The following SLC13A1 variants were observed in gnomAD, a reference collection of about 807,000 sequenced individuals.
SLC13A1 encodes Na(+)/sulfate cotransporter.
Under a neutral mutation model 70.0 loss-of-function variants are expected in SLC13A1, and 65 were observed. That is an observed-to-expected ratio of 0.93 (90% CI 0.76 to 1.14). The LOEUF (loss-of-function observed/expected upper bound fraction) is 1.14, where lower values mean the gene tolerates loss of function less well. Among genes scored for constraint, SLC13A1 ranks in the 50% most tolerant of loss-of-function variants. SLC13A1 has a pLI of 0.00. For synonymous variants in SLC13A1, 275 were observed against 250.5 expected (o/e 1.10, Z -0.92); for missense variants, 726 against 717.8 (o/e 1.01, Z -0.13).
chr7:123,158,275 A>G (rs559864770), intron 6 of SLC13A1, among the ~76,000 whole-genome samples: 1 of 152,176 alleles, frequency 6.6e-6, no homozygotes, highest in South Asian at 2.1e-4. Context: ...GCAATTGAAA[A>G]TATGAAAAAG....
chr7:123,146,713 A>C (rs1469232967), intron 7 of SLC13A1, among the ~76,000 whole-genome samples: 1 of 152,166 alleles, frequency 6.6e-6, no homozygotes, highest in Non-Finnish European at 1.5e-5. Context: ...CAATTGTTCA[A>C]TCTTTCAAAT....
chr7:123,134,602 C>G, intron 7 of SLC13A1, 73 bp from the exon 8 acceptor site: 1 of 1,408,912 alleles, frequency 7.1e-7, no homozygotes, highest in South Asian at 1.3e-5. Context: ...CACAGGGAAG[C>G]AGCAGTCCAC....
intron 10 of SLC13A1, 70 bp from the exon 11 acceptor site, chr7:123,125,745 G>A: frequency 9.4e-7 from 1 of 1,066,912 alleles, no homozygotes; most frequent in East Asian, 2.4e-5. Flanking sequence ...CACCAATTTT[G>A]CTAATAACAT....
At chr7:123,143,347 A>T in intron 7 of SLC13A1, among the ~76,000 whole-genome samples, 1 of 152,038 alleles carries the variant, frequency 6.6e-6, no homozygotes, top group East Asian at 1.9e-4. Flanking sequence ...TTTCAGAGTT[A>T]TTTTTGGCCC....
intron 6 of SLC13A1, among the ~76,000 whole-genome samples, chr7:123,158,301 G>A (rs532111174): frequency 6.6e-6 from 1 of 151,856 alleles, no homozygotes; most frequent in South Asian, 2.1e-4. Flanking sequence ...AAAAGTTACA[G>A]GCAAATCTTA....
intron 6 of SLC13A1, among the ~76,000 whole-genome samples, chr7:123,160,036 C>A (rs1457496120): frequency 6.6e-6 from 1 of 151,974 alleles, no homozygotes; most frequent in African/African-American, 2.4e-5. Flanking sequence ...GTAATCCCAG[C>A]ACTTTGGGAG....
At chr7:123,147,052 G>A (rs1794377788) in intron 7 of SLC13A1, 107 bp downstream of exon 7, 1 of 1,122,282 alleles carries the variant, frequency 8.9e-7, no homozygotes, top group African/African-American at 1.6e-5. Flanking sequence ...ACAAGGGAGA[G>A]TTAACATAAC....
intron 14 of SLC13A1, 61 bp downstream of exon 14, chr7:123,117,407 TTCA>T: frequency 5.3e-6 from 8 of 1,522,604 alleles, no homozygotes; most frequent in East Asian, 2.3e-5. Flanking sequence ...GGGAAGATAA[TTCA>T]AGACATGGCA....
chr7:123,163,476 T>C (rs1462109015), intron 6 of SLC13A1, among the ~76,000 whole-genome samples: 1 of 152,090 alleles, frequency 6.6e-6, no homozygotes, highest in African/African-American at 2.4e-5. Context: ...CTCTTCGATG[T>C]GAATACTTTA....
chr7:123,123,076 CT>C, intron 12 of SLC13A1, 49 bp downstream of exon 12: 1 of 1,361,552 alleles, frequency 7.3e-7, no homozygotes, highest in Non-Finnish European at 1.1e-6. Flanking sequence ...CTGTGCTCTT[CT>C]TTTGAACAGT....
At chr7:123,123,095 A>G in intron 12 of SLC13A1, 31 bp downstream of exon 12, 1 of 1,428,890 alleles carries the variant, frequency 7.0e-7, no homozygotes, top group Non-Finnish European at 9.9e-7. Flanking sequence ...AGTCTGGTTA[A>G]TTGTTAAATA....
At chr7:123,155,703 T>C (rs1057239940) in intron 6 of SLC13A1, among the ~76,000 whole-genome samples, 2 of 152,114 alleles carry the variant, frequency 1.3e-5, no homozygotes, top group Non-Finnish European at 2.9e-5. Context: ...TCATCTGACT[T>C]GGCCTTTTTT....
chr7:123,139,153 C>G (rs1434996489), intron 7 of SLC13A1, among the ~76,000 whole-genome samples: 1 of 152,084 alleles, frequency 6.6e-6, no homozygotes, highest in African/African-American at 2.4e-5. Context: ...GAGTTCCCAG[C>G]ACCATTTATG....
intron 1 of SLC13A1, among the ~76,000 whole-genome samples, chr7:123,189,041 G>A (rs1795909676): frequency 6.8e-6 from 1 of 146,098 alleles, no homozygotes; most frequent in African/African-American, 2.5e-5. Context: ...CGTGAACCCG[G>A]GAGGCGGAGC....
chr7:123,116,187 ATTATC>A (rs764633498), intron 14 of SLC13A1, among the ~76,000 whole-genome samples: 2 of 152,144 alleles, frequency 1.3e-5, no homozygotes, highest in Non-Finnish European at 2.9e-5. Context: ...TGCCATGTCT[ATTATC>A]TTTCTTAGCA....
intron 6 of SLC13A1, chr7:123,148,500 G>A: frequency 2.2e-6 from 1 of 453,204 alleles, no homozygotes; most frequent in Non-Finnish European, 4.4e-6. Flanking sequence ...TAGGGTGTAA[G>A]CCAAAAGCAA....
intron 11 of SLC13A1, among the ~76,000 whole-genome samples, chr7:123,124,461 T>C (rs543677746): frequency 2.0e-5 from 3 of 152,350 alleles, no homozygotes; most frequent in South Asian, 4.1e-4. Flanking sequence ...TCTGATACAT[T>C]AGTCATTTAT....
At chr7:123,121,934 A>C (rs923522554) in intron 12 of SLC13A1, among the ~76,000 whole-genome samples, 1 of 152,220 alleles carries the variant, frequency 6.6e-6, no homozygotes, top group East Asian at 1.9e-4. Flanking sequence ...GGGCACTTAG[A>C]GGTAGAGTTA....
intron 6 of SLC13A1, among the ~76,000 whole-genome samples, chr7:123,162,271 TA>T (rs1326236049): frequency 1.8e-4 from 27 of 152,146 alleles, no homozygotes; most frequent in Non-Finnish European, 3.2e-4. Flanking sequence ...GGAGAAATGA[TA>T]TTGTCAAAAG....
Sources: allele counts gnomAD v4.1 joint callset (sites outside exome capture counted in the v4.1 genomes callset), GRCh38; gene constraint gnomAD v4.1.1; transcripts MANE v1.5; gene names NCBI Gene and HGNC (gene_info 2026-07-23, HGNC 2026-07-21).